The following PDXK variants were observed in gnomAD, a reference collection of about 807,000 sequenced individuals.
PDXK encodes pyridoxal kinase.
Under a neutral mutation model 43.2 loss-of-function variants are expected in PDXK, and 15 were observed. That is an observed-to-expected ratio of 0.35 (90% CI 0.23 to 0.53). The LOEUF is 0.53. Ranked by LOEUF, PDXK falls within the 20% of genes least tolerant of loss-of-function variation. The probability of loss-of-function intolerance (pLI) is 0.92; values close to 1 mark genes in which losing one functional copy is unlikely to be tolerated. For synonymous variants in PDXK, 172 were observed against 165.4 expected (o/e 1.04, Z -0.31); for missense variants, 343 against 417.0 (o/e 0.82, Z 1.54).
At chr21:43,725,894 C>T (rs2147208208) in intron 1 of PDXK, among the ~76,000 whole-genome samples, 1 of 152,314 alleles carries the variant, frequency 6.6e-6, no homozygotes, top group Non-Finnish European at 1.5e-5. Context: ...CCCGCACTAA[C>T]TTCCTTAGAG....
chr21:43,727,420 A>G (rs1011336212), intron 1 of PDXK, among the ~76,000 whole-genome samples: 1 of 152,152 alleles, frequency 6.6e-6, no homozygotes, highest in Non-Finnish European at 1.5e-5. Context: ...CCGGCTCTGC[A>G]TGGGGCCTCT....
chr21:43,746,101 C>G lies in PDXK; in HGVS notation c.354C>G (p.Asp118Glu). 6.2e-7 allele frequency: 1 copy of G among 1,613,728 alleles called. No individual in the cohort carries two copies. The change falls in exon 5 of 11, where the codon GAC (aspartate) becomes GAG (glutamate). Residue 118 changes from aspartate (D) to glutamate (E), a missense_variant. Physicochemically the swap from Asp to Glu is conservative, Grantham distance 45. Transcript: ENST00000291565. ...LVYVCDPVLG[D>E]KWDGEGSMYV... is the part of the protein sequence containing the mutation. ...CAGTGTGTGATCCAGTCTTGGGTGA[C>G]AAGTGGGACGGCGAAGGCTCGATGG...
At chr21:43,748,031 T>A (rs1183911555) in intron 5 of PDXK, among the ~76,000 whole-genome samples, 1 of 152,152 alleles carries the variant, frequency 6.6e-6, no homozygotes, top group East Asian at 1.9e-4. Context: ...CAGACATGCC[T>A]CCTGTGGGGC....
At position 43,760,735 on chromosome 21, in the gene PDXK, G is replaced by A. The variant is rs2083920992; in HGVS notation, c.*4672G>A. The A allele has an allele frequency of 6.6e-6, 1 of 152,294 alleles. No homozygotes were observed. Among genetic ancestry groups the A allele is most frequent in the Non-Finnish European group, 1.5e-5 (1 of 68,090 alleles). The allele number at this position is 152,294 out of a possible 1,614,324, so 9.4% of individuals were successfully genotyped here. On this transcript the variant is annotated 3_prime_UTR_variant, in exon 11 of 11. Coordinates refer to ENST00000291565, the MANE Select transcript of PDXK (RefSeq NM_003681.5). ...TGGCTGGGCTCTGTGTGTGGCCTGT[G>A]TCCCCTGTCCCTGCAGGACCCAGCA...
intron 3 of PDXK, among the ~76,000 whole-genome samples, 161 bp downstream of exon 3, chr21:43,741,932 C>T (rs1187430170): frequency 6.6e-6 from 1 of 152,100 alleles, no homozygotes; most frequent in African/African-American, 2.4e-5. Flanking sequence ...CCCCGGTAGC[C>T]TGGGGGGTCC....
chr21:43,728,930 G>C (rs2083282124), intron 1 of PDXK: 1 of 985,504 alleles, frequency 1.0e-6, no homozygotes, highest in African/African-American at 1.7e-5. Context: ...ACTCTGCTGG[G>C]ATTATTTTGA....
chr21:43,734,243 CG>C lies in PDXK; in HGVS notation c.142+124del. The C allele has an allele frequency of 1.1e-6, 1 of 938,692 alleles. No individual in the cohort carries two copies. The highest frequency in any genetic ancestry group is 1.7e-6 in the Non-Finnish European group (1 of 587,218). 58.1% of individuals were successfully genotyped at this position (938,692 alleles called of 1,614,324 possible). A position where few individuals can be genotyped will look rare whatever the true frequency, so the allele number is the denominator to read the frequency against. On this transcript the variant is annotated intron_variant, in intron 2 of 10. Transcript: ENST00000291565. This position sits in a 1 kb window ranked among gnomAD's most constrained non-coding sequence, Gnocchi z 5.0. ...GTGAGGGACGGGGCTTTCGTGTGGA[CG>C]GGGACCTGGAGTCCTGGGCGTCGCT...
At chr21:43,743,879 AG>A in intron 4 of PDXK, 72 bp downstream of exon 4, 1 of 1,051,794 alleles carries the variant, frequency 9.5e-7, no homozygotes, top group Non-Finnish European at 1.5e-6. Context: ...GAGCCCGGGA[AG>A]GGACGTCTTA....
At position 43,737,242 on chromosome 21, in the gene PDXK, A is replaced by G. The variant is rs1252303888; in HGVS notation, c.142+3119A>G. On this transcript the variant is annotated intron_variant, in intron 2 of 10. Coordinates refer to ENST00000291565, the MANE Select transcript of PDXK (RefSeq NM_003681.5). The surrounding 1 kb of genome is among the most constrained non-coding windows in gnomAD (Gnocchi z 4.8). ...ACGCCCTTCAGGCTGGGGGGTGGGA[A>G]AGCCGATCCCCCAAGTGCCTGCAGA... is the stretch of plus-strand genomic sequence containing the variant. 7.0e-7 allele frequency: 1 copy of G among 1,426,856 alleles called. No individual in the cohort carries two copies. The highest frequency in any genetic ancestry group is 2.5e-5 in the East Asian group (1 of 39,390). The allele number at this position is 1,426,856 out of a possible 1,614,324, so 88.4% of individuals were successfully genotyped here.
intron 5 of PDXK, among the ~76,000 whole-genome samples, chr21:43,747,900 G>A (rs982453514): frequency 6.6e-6 from 1 of 152,134 alleles, no homozygotes; most frequent in Non-Finnish European, 1.5e-5. Flanking sequence ...GCTTTCCTTC[G>A]ATTTCCTGGT....
chr21:43,729,095 C>G (rs1301701699), intron 1 of PDXK: 2 of 890,882 alleles, frequency 2.2e-6, no homozygotes, highest in Non-Finnish European at 2.7e-6. Context: ...AATCCTGCCC[C>G]CTGGCTGCGG....
At position 43,724,234 on chromosome 21, in the gene PDXK, G is replaced by A. The variant is rs1374010133; in HGVS notation, c.87+4853G>A. 2.6e-5 allele frequency among the ~76,000 whole-genome samples: 4 copies of A among 152,180 alleles called. No individual in the cohort carries two copies. The South Asian group carries it at 8.3e-4, about 31-fold the overall frequency. ...CAATGCCATGCCCGTTAGGCAGGTG[G>A]ACTGTGGCTCAAGCGCCCCACAGGA... On this transcript the variant is annotated intron_variant, in intron 1 of 10. Transcript: ENST00000291565.
chr21:43,728,272 C>T (rs1258334268), intron 1 of PDXK, among the ~76,000 whole-genome samples: 2 of 152,102 alleles, frequency 1.3e-5, no homozygotes, highest in East Asian at 3.8e-4. Context: ...GGGAGGGACG[C>T]GGGGTGCTTG....
In PDXK at chr21:43,746,181, C is replaced by T; in HGVS notation, c.378+56C>T. 2.9e-6 allele frequency: 4 copies of T among 1,394,102 alleles called. No individual in the cohort carries two copies. The South Asian group carries it at 3.5e-5, about 12-fold the overall frequency. 86.4% of individuals were successfully genotyped at this position (1,394,102 alleles called of 1,614,324 possible). On this transcript the variant is annotated intron_variant, in intron 5 of 10. Transcript: ENST00000291565. ...TGTGGTGAGTGGAGCTATTCCTGTC[C>T]AGCCAGAAGACAGGCCCACATCTCT...
In PDXK at chr21:43,753,578, C is replaced by G. The variant is rs368214047; in HGVS notation, c.623-5C>G. 109 of 1,609,050 alleles carry G rather than the reference C, an allele frequency of 6.8e-5. No individual in the cohort carries two copies. Among genetic ancestry groups the G allele is most frequent in the Admixed American group, 5.0e-5 (3 of 59,720 alleles). ...TCAGTGACCTTGCCCATCTTCTCCC[C>G]CTAGGGAATCCCGCTGGCTCCGTGG... On this transcript the variant is annotated splice_polypyrimidine_tract_variant and splice_region_variant and intron_variant, in intron 8 of 10. Transcript: ENST00000291565.
chr21:43,738,360 C>T lies in PDXK; in HGVS notation c.143-3307C>T, dbSNP rs145650469. On this transcript the variant is annotated intron_variant, in intron 2 of 10. Coordinates refer to ENST00000291565, the MANE Select transcript of PDXK (RefSeq NM_003681.5). ...TGGTGACACCTGGACCTTGGACCCC[C>T]GTGCCCAGGACAGTAGGAGAATTGG... The T allele has an allele frequency of 5.3e-3, 810 of 152,438 alleles. 2 individuals are homozygous for T. The highest frequency in any genetic ancestry group is 0.012 in the South Asian group (56 of 4,824). 9.4% of individuals were successfully genotyped at this position (152,438 alleles called of 1,614,324 possible). A position where few individuals can be genotyped will look rare whatever the true frequency, so the allele number is the denominator to read the frequency against.
chr21:43,733,813 G>A (rs1001324323), intron 1 of PDXK: 3 of 724,438 alleles, frequency 4.1e-6, no homozygotes, highest in Non-Finnish European at 6.5e-6. Flanking sequence ...TGTGGGCTGG[G>A]CGATGCCCTC....
chr21:43,731,692 T>C (rs367853618), intron 1 of PDXK, among the ~76,000 whole-genome samples: 1 of 148,638 alleles, frequency 6.7e-6, no homozygotes, highest in African/African-American at 2.6e-5. Flanking sequence ...GGGCTGAACC[T>C]TGGACCAAGA....
rs2083426823 is a variant in PDXK at position 43,737,613 on chromosome 21, G to T, written c.142+3490G>T. The T allele has an allele frequency of 1.0e-6, 1 of 989,460 alleles. No homozygotes were observed. Among genetic ancestry groups the T allele is most frequent in the Admixed American group, 5.9e-5 (1 of 16,846 alleles). The allele number at this position is 989,460 out of a possible 1,614,324, so 61.3% of individuals were successfully genotyped here. A position where few individuals can be genotyped will look rare whatever the true frequency, so the allele number is the denominator to read the frequency against. On this transcript the variant is annotated intron_variant, in intron 2 of 10. Coordinates refer to ENST00000291565, the MANE Select transcript of PDXK (RefSeq NM_003681.5). The surrounding 1 kb of genome is among the most constrained non-coding windows in gnomAD (Gnocchi z 4.8). ...GCTGCTGGGCTTGGTGGTCCCTGCT[G>T]CAGGGAAGGGGCAGCTGGTGTGAAC...
Sources: allele counts gnomAD v4.1 joint callset (sites outside exome capture counted in the v4.1 genomes callset), GRCh38; gene constraint gnomAD v4.1.1; non-coding constraint Gnocchi (gnomAD v3.1); transcripts MANE v1.5; gene names NCBI Gene and HGNC (gene_info 2026-07-23, HGNC 2026-07-21).